MYO1H: variants seen among roughly 807,000 people sequenced by gnomAD.
MYO1H encodes myosin IH, also known as unconventional myosin-Ih.
A neutral mutation model predicts 149.3 loss-of-function variants in MYO1H; 118 were observed. The observed-to-expected ratio is 0.79, with a 90% CI of 0.68 to 0.92. MYO1H has a LOEUF of 0.92. MYO1H is among the 40% of genes least tolerant of loss of function. The probability of loss-of-function intolerance (pLI) is 0.00; values close to 1 mark genes in which losing one functional copy is unlikely to be tolerated. For synonymous variants in MYO1H, 447 were observed against 465.2 expected, an observed-to-expected ratio of 0.96 and a Z score of 0.50; for missense variants, 1,212 against 1,280.7, an observed-to-expected ratio of 0.95 and a Z score of 0.82.
chr12:109,367,630 CA>C (rs1313879532), intron 1 of MYO1H, among the ~76,000 whole-genome samples: 2 of 152,122 alleles, frequency 1.3e-5, no homozygotes, highest in Non-Finnish European at 2.9e-5. Flanking sequence ...CGGCTCACTG[CA>C]AGCTCCACCT....
intron 3 of MYO1H, among the ~76,000 whole-genome samples, chr12:109,395,446 T>C (rs1869848088): frequency 1.3e-5 from 2 of 152,114 alleles, no homozygotes; most frequent in African/African-American, 4.8e-5. Context: ...CTTTAAAAAA[T>C]ATTTTCAGGC....
chr12:109,368,299 C>T (rs1054447114), intron 1 of MYO1H, among the ~76,000 whole-genome samples: 4 of 152,142 alleles, frequency 2.6e-5, no homozygotes, highest in African/African-American at 9.7e-5. Flanking sequence ...GTAAAAAGAG[C>T]TCAATAGATG....
chr12:109,446,993 C>T (rs1277968261), intron 31 of MYO1H, 166 bp from the exon 32 acceptor site: 5 of 692,134 alleles, frequency 7.2e-6, no homozygotes, highest in South Asian at 3.4e-5. Flanking sequence ...TGACAGGCCT[C>T]GATGAGCCAG....
intron 17 of MYO1H, among the ~76,000 whole-genome samples, chr12:109,425,570 A>C (rs1047967789): frequency 6.6e-6 from 1 of 152,174 alleles, no homozygotes; most frequent in African/African-American, 2.4e-5. Flanking sequence ...AATACCATCA[A>C]ATAAAGAAGT....
the MYO1H span, among the ~76,000 whole-genome samples, chr12:109,320,677 G>A: frequency 6.6e-6 from 1 of 150,918 alleles, no homozygotes; most frequent in Non-Finnish European, 1.5e-5. Context: ...AAAGTAAGCT[G>A]AGTTATTGCC....
the MYO1H span, among the ~76,000 whole-genome samples, chr12:109,316,599 G>C: frequency 3.3e-5 from 5 of 152,206 alleles, no homozygotes; most frequent in African/African-American, 4.8e-5. Flanking sequence ...AAATCATTTA[G>C]TGTGAAATTG....
At chr12:109,425,922 C>G (rs376882168) in intron 17 of MYO1H, 24 bp from the exon 18 acceptor site, 4 of 1,554,182 alleles carry the variant, frequency 2.6e-6, no homozygotes, top group East Asian at 2.2e-5. Flanking sequence ...CTCGTTCTCT[C>G]TCTCTTTCTC....
Position 109,425,946 on chromosome 12 carries a change from G to T in MYO1H, c.1726G>T (p.Val576Leu), listed in dbSNP as rs757315908. The T allele has an allele frequency of 7.3e-5, 117 of 1,608,416 alleles. 2 individuals carry two copies. In the South Asian group the frequency reaches 1.2e-3, roughly 16 times the overall value. Residue 576 changes from valine (V) to leucine (L), a missense_variant and splice_region_variant, in exon 18 of 32, where the codon GTG becomes TTG. Transcript: ENST00000310903. ...TCTCTCTTTCTCTCTCTCTCTGCAG[G>T]TGGGGACTCAGTTTAAAAACAGTCT... is the stretch of plus-strand genomic sequence containing the variant.
At chr12:109,394,181 G>C (rs574801631) in intron 3 of MYO1H, among the ~76,000 whole-genome samples, 2 of 152,206 alleles carry the variant, frequency 1.3e-5, no homozygotes, top group South Asian at 2.1e-4. Flanking sequence ...TAAGCTGACA[G>C]GGTAGAATTA....
At chr12:109,398,892 T>C (rs1354352720) in intron 5 of MYO1H, among the ~76,000 whole-genome samples, 2 of 152,104 alleles carry the variant, frequency 1.3e-5, no homozygotes, top group Admixed American at 6.6e-5. Flanking sequence ...ACAGTCGCAA[T>C]GACCCAAGTC....
At chr12:109,381,150 T>C (rs1869197321) in intron 1 of MYO1H, among the ~76,000 whole-genome samples, 1 of 152,140 alleles carries the variant, frequency 6.6e-6, no homozygotes, top group Non-Finnish European at 1.5e-5. Flanking sequence ...CAGAGTTCAT[T>C]GGAGAAAAGA....
the MYO1H span, among the ~76,000 whole-genome samples, chr12:109,319,381 CAG>C: frequency 2.0e-5 from 3 of 152,054 alleles, no homozygotes; most frequent in Non-Finnish European, 4.4e-5. Flanking sequence ...TAGTCAGACT[CAG>C]AAACAAATTA....
At chr12:109,407,591 A>C in intron 9 of MYO1H, among the ~76,000 whole-genome samples, 1 of 131,042 alleles carries the variant, frequency 7.6e-6, no homozygotes, top group African/African-American at 3.2e-5. Context: ...TGGCTAGACC[A>C]CATTTCTACA....
At chr12:109,422,855 C>T (rs1871232316) in intron 16 of MYO1H, among the ~76,000 whole-genome samples, 1 of 152,112 alleles carries the variant, frequency 6.6e-6, no homozygotes, top group Admixed American at 6.6e-5. Context: ...GGGTGGATCG[C>T]TTGAGCCCAG....
At chr12:109,398,722 CAA>C (rs952119677) in intron 5 of MYO1H, among the ~76,000 whole-genome samples, 13 of 98,282 alleles carry the variant, frequency 1.3e-4, no homozygotes, top group African/African-American at 5.2e-4. Flanking sequence ...GCCCGGGCAA[CAA>C]GAGCGAAACT....
exon 24 of MYO1H, chr12:109,439,704 A>G: frequency 6.2e-7 from 1 of 1,613,932 alleles, no homozygotes; most frequent in Non-Finnish European, 8.5e-7. Context: ...GTTTGTGCGG[A>G]AGAATTACAT....
In MYO1H at chr12:109,443,084, A is replaced by ATGTGTGTATATATGTGTACGTATG. The variant is rs1555255564; in HGVS notation, c.2689-407_2689-406insGTGTGTGTATATATGTGTACGTAT. On this transcript the variant is annotated intron_variant, in intron 27 of 31. Coordinates refer to ENST00000310903, the Ensembl canonical transcript of MYO1H. ...CGTATGTGTGTATATATGTGTACGT[A>ATGTGTGTATATATGTGTACGTATG]TGTGTGTATATATGTGTACGTATAT... Among the ~76,000 whole-genome samples, 12 of 76,966 alleles carry ATGTGTGTATATATGTGTACGTATG rather than the reference A, an allele frequency of 1.6e-4. 3 individuals carry two copies. The highest frequency in any genetic ancestry group is 8.6e-4 in the Admixed American group (7 of 8,126). The allele number at this position is 76,966 out of a possible 152,430, so 50.5% of individuals were successfully genotyped here.
At chr12:109,409,692 C>A (rs774598989) in intron 11 of MYO1H, 68 bp downstream of exon 11, 46 of 1,288,100 alleles carry the variant, frequency 3.6e-5, no homozygotes, top group Non-Finnish European at 5.2e-5. Flanking sequence ...AGATTTAAAT[C>A]TTTCGCTAAT....
rs1395882121 is a variant in MYO1H at position 109,401,492 on chromosome 12, G to T, written c.750+220G>T. ...AAAGTAACCAATGTCTAGGTAAGTG[G>T]TTCTCATCCCTGGCTGAAACTAGAA... On this transcript the variant is annotated intron_variant, in intron 6 of 31. Coordinates refer to ENST00000310903, the Ensembl canonical transcript of MYO1H. 28 of 466,328 alleles carry T rather than the reference G, an allele frequency of 6.0e-5. No homozygotes were observed. In the Admixed American group the frequency reaches 9.3e-4, roughly 15 times the overall value. 28.9% of individuals were successfully genotyped at this position (466,328 alleles called of 1,614,324 possible). A position where few individuals can be genotyped will look rare whatever the true frequency, so the allele number is the denominator to read the frequency against.
Sources: gnomAD v4.1 joint callset for allele counts (sites outside exome capture counted in the v4.1 genomes callset) on GRCh38, gnomAD v4.1.1 for gene constraint, MANE v1.5 for transcripts, NCBI Gene and HGNC (gene_info 2026-07-23, HGNC 2026-07-21) for gene names.